Variants in TRPM3 observed in about 807,000 individuals in gnomAD.
TRPM3 encodes transient receptor potential cation channel subfamily M member 3.
Under a neutral mutation model 181.2 loss-of-function variants are expected in TRPM3, and 77 were observed. The observed-to-expected ratio is 0.42, with a 90% CI of 0.35 to 0.51. The LOEUF (loss-of-function observed/expected upper bound fraction) is 0.51, where lower values mean the gene tolerates loss of function less well. TRPM3 is among the 20% of genes least tolerant of loss of function. The pLI is 0.01. For synonymous variants in TRPM3, 745 were observed against 796.4 expected (o/e 0.94, Z 1.09); for missense variants, 1,759 against 2,196.7 (o/e 0.80, Z 3.98).
intron 1 of TRPM3, among the ~76,000 whole-genome samples, chr9:71,312,293 G>A (rs150393732): frequency 2.5e-4 from 38 of 152,184 alleles, no homozygotes; most frequent in African/African-American, 4.1e-4. Context: ...ACAAACAAGC[G>A]TAAAGATGCT....
chr9:70,768,053 T>C (rs2079493710), intron 7 of TRPM3, among the ~76,000 whole-genome samples: 1 of 152,194 alleles, frequency 6.6e-6, no homozygotes, highest in African/African-American at 2.4e-5. Context: ...GTGATCATCT[T>C]GGAGACAAGC....
intron 1 of TRPM3, among the ~76,000 whole-genome samples, chr9:70,944,937 A>C (rs1156240065): frequency 6.6e-6 from 1 of 151,988 alleles, no homozygotes; most frequent in African/African-American, 2.4e-5. Context: ...CAAGTGACTG[A>C]AGAGAATCAA....
intron 1 of TRPM3, among the ~76,000 whole-genome samples, chr9:71,358,801 T>C (rs1415132108): frequency 2.0e-5 from 3 of 152,170 alleles, no homozygotes; most frequent in African/African-American, 7.2e-5. Flanking sequence ...ATCAAACTCA[T>C]AGCTCTGGAA....
chr9:71,245,621 A>G (rs958643433), intron 1 of TRPM3, among the ~76,000 whole-genome samples: 1 of 152,224 alleles, frequency 6.6e-6, no homozygotes, highest in Non-Finnish European at 1.5e-5. Context: ...CAAGTGGGAT[A>G]GGCTTTAACC....
intron 6 of TRPM3, among the ~76,000 whole-genome samples, chr9:70,788,917 A>T (rs1171047401): frequency 6.6e-6 from 1 of 152,158 alleles, no homozygotes; most frequent in Non-Finnish European, 1.5e-5. Flanking sequence ...GAGTGACTGT[A>T]AATACAGATG....
rs574869619 is a variant in TRPM3 at position 71,117,385 on chromosome 9, T to C, written c.177+3793A>G. On this transcript the variant is annotated intron_variant, in intron 1 of 25. Transcript: ENST00000677713. ...TAGGTGGGTGAAAATGTAATCGTGG[T>C]TTTTGCCATTAAAAACCTTTTGCAC... Among the ~76,000 whole-genome samples the C allele has an allele frequency of 7.2e-5, 11 of 152,246 alleles. No individual in the cohort carries two copies. The South Asian group carries it at 2.3e-3, about 32-fold the overall frequency.
chr9:71,336,688 C>T (rs2090579464), intron 1 of TRPM3, among the ~76,000 whole-genome samples: 1 of 152,154 alleles, frequency 6.6e-6, no homozygotes, highest in South Asian at 2.1e-4. Flanking sequence ...CATCACACTA[C>T]CTGACTTCAA....
chr9:70,776,742 C>G (rs1330071902), intron 7 of TRPM3, among the ~76,000 whole-genome samples: 1 of 152,090 alleles, frequency 6.6e-6, no homozygotes, highest in Non-Finnish European at 1.5e-5. Flanking sequence ...GTTTCAAAGA[C>G]AAAATTTGGC....
At chr9:71,004,151 C>G (rs1276874498) in intron 1 of TRPM3, among the ~76,000 whole-genome samples, 2 of 152,204 alleles carry the variant, frequency 1.3e-5, no homozygotes, top group East Asian at 3.9e-4. Flanking sequence ...GCCCTATGCT[C>G]TGATCAGTGG....
intron 9 of TRPM3, among the ~76,000 whole-genome samples, chr9:70,660,793 TA>T (rs1343100946): frequency 1.3e-5 from 2 of 152,064 alleles, no homozygotes; most frequent in Admixed American, 6.6e-5. Context: ...GAATAAGTAT[TA>T]AAAAATGCCA....
At chr9:70,654,876 G>T (rs1200679161) in intron 9 of TRPM3, among the ~76,000 whole-genome samples, 1 of 150,922 alleles carries the variant, frequency 6.6e-6, no homozygotes, top group Non-Finnish European at 1.5e-5. Flanking sequence ...GTAGAGATGG[G>T]GTTTCACTGT....
At chr9:70,672,784 T>A (rs957138797) in intron 9 of TRPM3, among the ~76,000 whole-genome samples, 1 of 152,146 alleles carries the variant, frequency 6.6e-6, no homozygotes, top group Non-Finnish European at 1.5e-5. Context: ...GTTGTACTTT[T>A]GTAGGGGGAG....
intron 1 of TRPM3, among the ~76,000 whole-genome samples, chr9:70,886,984 C>A (rs562894583): frequency 6.6e-6 from 1 of 152,242 alleles, no homozygotes; most frequent in East Asian, 1.9e-4. Context: ...TTATAACTGA[C>A]AAATATAACT....
chr9:70,639,298 G>A, intron 10 of TRPM3, 104 bp from the exon 11 acceptor site: 1 of 1,312,674 alleles, frequency 7.6e-7, no homozygotes, highest in Non-Finnish European at 1.1e-6. Flanking sequence ...TTGACATCTG[G>A]TAAACCTTCA....
intron 1 of TRPM3, among the ~76,000 whole-genome samples, chr9:71,197,570 G>A (rs1469673250): frequency 6.6e-6 from 1 of 151,882 alleles, no homozygotes; most frequent in Non-Finnish European, 1.5e-5. Flanking sequence ...ATTCTAACTG[G>A]TGTGAGATGG....
chr9:70,924,614 T>C (rs1194554728), intron 1 of TRPM3, among the ~76,000 whole-genome samples: 2 of 152,192 alleles, frequency 1.3e-5, no homozygotes, highest in African/African-American at 4.8e-5. Flanking sequence ...CTTCGTCTTG[T>C]TGCCAAATTG....
At chr9:70,768,703 T>C (rs1407369804) in intron 7 of TRPM3, among the ~76,000 whole-genome samples, 4 of 152,096 alleles carry the variant, frequency 2.6e-5, no homozygotes, top group African/African-American at 7.2e-5. Flanking sequence ...GCAGGATTGC[T>C]TGAGGCCAGG....
chr9:71,160,081 T>C (rs1182451728), intron 1 of TRPM3, among the ~76,000 whole-genome samples: 1 of 152,124 alleles, frequency 6.6e-6, no homozygotes, highest in African/African-American at 2.4e-5. Flanking sequence ...CTTCTACCTA[T>C]TCAGCTCTAG....
At chr9:70,927,726 A>T (rs1268863411) in intron 1 of TRPM3, among the ~76,000 whole-genome samples, 1 of 152,152 alleles carries the variant, frequency 6.6e-6, no homozygotes, top group Non-Finnish European at 1.5e-5. Context: ...TGGCAAAGTC[A>T]CAGCATCTGG....
Sources: gnomAD v4.1 joint callset for allele counts (sites outside exome capture counted in the v4.1 genomes callset) on GRCh38, gnomAD v4.1.1 for gene constraint, MANE v1.5 for transcripts, NCBI Gene and HGNC (gene_info 2026-07-23, HGNC 2026-07-21) for gene names.